Variants in LMF1 observed in about 807,000 individuals in gnomAD.
LMF1 encodes the protein lipase maturation factor 1.
A neutral mutation model predicts 60.6 loss-of-function variants in LMF1; 68 were observed. That is an observed-to-expected ratio of 1.12 (90% confidence interval 0.92 to 1.37). The LOEUF (loss-of-function observed/expected upper bound fraction) is 1.37, where lower values mean the gene tolerates loss of function less well. Ranked by LOEUF, LMF1 falls within the 40% of genes most tolerant of loss-of-function variation. The pLI is 0.00. For missense variants in LMF1, 948 were observed against 767.2 expected, an observed-to-expected ratio of 1.24 and a Z score of -2.78; for synonymous variants, 418 against 324.7, an observed-to-expected ratio of 1.29 and a Z score of -3.09.
rs73497223 is a variant in LMF1, at chr16:878,536, G to A, written c.897+1034C>T. Among the ~76,000 whole-genome samples the A allele has an allele frequency of 0.027, 4,112 of 152,272 alleles. 180 individuals carry two copies. Among genetic ancestry groups the A allele is most frequent in the African/African-American group, 0.094 (3,919 of 41,526 alleles). On this transcript the variant is annotated intron_variant, in intron 6 of 10. Coordinates refer to ENST00000262301, the MANE Select transcript of LMF1 (RefSeq NM_022773.4). The surrounding 1 kb of genome is among the most constrained non-coding windows in gnomAD (Gnocchi z 5.2). ...GGATGACGAGATTGCACCTCTGCAC[G>A]GCAGGCTGTGGTGAAAACCAGAAAC...
At chr16:971,025 G>A (rs943718323), upstream of LMF1, 4 of 1,357,370 alleles carry the variant, frequency 2.9e-6, no homozygotes, top group South Asian at 1.6e-5. Flanking sequence ...ATTCTCGGAG[G>A]CCCCGCCCAT....
intron 6 of LMF1, chr16:871,646 C>G (rs1392085018): frequency 2.8e-6 from 1 of 352,154 alleles, no homozygotes; most frequent in African/African-American, 2.1e-5. Context: ...GACCACCAGA[C>G]CCTGTGCCCT....
chr16:910,137 T>C (rs2071070288), intron 4 of LMF1, among the ~76,000 whole-genome samples: 1 of 152,226 alleles, frequency 6.6e-6, no homozygotes, highest in Non-Finnish European at 1.5e-5. Context: ...CTGGTCAGTG[T>C]GGCAGACGTC....
At chr16:971,129 C>T, upstream of LMF1, 3 of 778,966 alleles carry the variant, frequency 3.9e-6, no homozygotes, top group Non-Finnish European at 5.3e-6. Context: ...CCGGAGGCAC[C>T]GCCCCCTCCA....
intron 5 of LMF1, chr16:885,048 T>C (rs890120936): frequency 1.1e-4 from 16 of 152,258 alleles, no homozygotes; most frequent in African/African-American, 3.9e-4. Flanking sequence ...CTCTGAAAGA[T>C]AACTGGACTG....
At position 854,383 on chromosome 16, in the gene LMF1, A is replaced by C. The variant is rs1028627215; in HGVS notation, c.*149T>G. On this transcript the variant is annotated 3_prime_UTR_variant, in exon 11 of 11. Transcript: ENST00000262301. ...GCCACAGTATGTGACAACAGACCCC[A>C]CCCTGGACCCCCGTGCTGGGGGCTG... 9.3e-6 allele frequency: 8 copies of C among 864,178 alleles called. No individual in the cohort carries two copies. In the African/African-American group the frequency reaches 1.3e-4, roughly 14 times the overall value. 53.5% of individuals were successfully genotyped at this position (864,178 alleles called of 1,614,324 possible). A position where few individuals can be genotyped will look rare whatever the true frequency, so the allele number is the denominator to read the frequency against.
chr16:895,354 T>C (rs914365551), intron 4 of LMF1, among the ~76,000 whole-genome samples: 1 of 152,122 alleles, frequency 6.6e-6, no homozygotes, highest in African/African-American at 2.4e-5. Context: ...GAAACATTAA[T>C]ACCTCCCAGT....
chr16:861,206 A>G (rs1378945741), intron 10 of LMF1, among the ~76,000 whole-genome samples: 2 of 151,940 alleles, frequency 1.3e-5, no homozygotes. Context: ...ATACCTAAGT[A>G]TTTCGCTTTT....
intron 2 of LMF1, among the ~76,000 whole-genome samples, chr16:939,808 G>A (rs2072046901): frequency 6.6e-6 from 1 of 152,226 alleles, no homozygotes; most frequent in Non-Finnish European, 1.5e-5. Flanking sequence ...ACCAGACAGG[G>A]AATAAAACAG....
At chr16:934,145 G>A in intron 3 of LMF1, 99 bp downstream of exon 3, 1 of 1,590,304 alleles carries the variant, frequency 6.3e-7, no homozygotes, top group Admixed American at 1.7e-5. Context: ...GATGGCAGAG[G>A]CTAAGGAAGG....
At position 874,775 on chromosome 16, in the gene LMF1, G is replaced by C. The variant is rs1292421687; in HGVS notation, c.898-3434C>G. Among the ~76,000 whole-genome samples, 1 of 151,884 alleles carries C rather than the reference G, an allele frequency of 6.6e-6. No homozygotes were observed. The highest frequency in any genetic ancestry group is 1.5e-5 in the Non-Finnish European group (1 of 67,910). The stretch of plus-strand genomic sequence containing the variant: ...CACACGGAACCAGGACAGGCTCCAG[G>C]CAGGCGGCGCTCAGAAGTCTCAGGG... On this transcript the variant is annotated intron_variant, in intron 6 of 10. Transcript: ENST00000262301. This position sits in a 1 kb window ranked among gnomAD's most constrained non-coding sequence, Gnocchi z 4.1.
At chr16:964,061 G>C (rs908747999) in intron 1 of LMF1, 10 of 455,374 alleles carry the variant, frequency 2.2e-5, no homozygotes, top group Non-Finnish European at 4.4e-5. Flanking sequence ...GAGCTGCAAC[G>C]AGGAAATACC....
chr16:926,667 C>T (rs994813508), intron 3 of LMF1, among the ~76,000 whole-genome samples: 9 of 152,220 alleles, frequency 5.9e-5, no homozygotes, highest in East Asian at 1.9e-4. Flanking sequence ...AAGCTGCGCA[C>T]GCACATGTGT....
chr16:855,692 C>T (rs576600312), intron 10 of LMF1: 34 of 455,872 alleles, frequency 7.5e-5, no homozygotes, highest in African/African-American at 1.6e-4. Context: ...CCCAGCTGCC[C>T]GGTGGGTGTG....
intron 10 of LMF1, chr16:854,949 C>T (rs533371884): frequency 1.3e-4 from 77 of 574,928 alleles, no homozygotes; most frequent in African/African-American, 3.9e-4. Flanking sequence ...GGGGCAGCTC[C>T]GGGAGGGGAG....
rs2070073618 is a variant in LMF1, at chr16:878,797, T to C, written c.897+773A>G. On this transcript the variant is annotated intron_variant, in intron 6 of 10. Coordinates refer to ENST00000262301, the MANE Select transcript of LMF1 (RefSeq NM_022773.4). The surrounding 1 kb of genome is among the most constrained non-coding windows in gnomAD (Gnocchi z 5.2). ...AAGGGGCGTGGGACACCCAGGTACATCTGTTTTCCAGAGCACGTGGAACGC... is the reference window on the plus strand; with the variant it reads ...AAGGGGCGTGGGACACCCAGGTACACCTGTTTTCCAGAGCACGTGGAACGC... 6.6e-6 allele frequency among the ~76,000 whole-genome samples: 1 copy of C among 151,756 alleles called. No homozygotes were observed. Among genetic ancestry groups the C allele is most frequent in the African/African-American group, 2.4e-5 (1 of 41,162 alleles).
chr16:900,234 T>A (rs572965481), intron 4 of LMF1: 2 of 152,372 alleles, frequency 1.3e-5, no homozygotes, highest in South Asian at 4.1e-4. Flanking sequence ...TGGCTATGGC[T>A]TCCTGGCCTT....
chr16:901,321 C>A (rs1308780311), intron 4 of LMF1: 1 of 152,022 alleles, frequency 6.6e-6, no homozygotes, highest in Admixed American at 6.6e-5. Flanking sequence ...CACGGAAAAC[C>A]CACCCTCTGC....
intron 2 of LMF1, among the ~76,000 whole-genome samples, chr16:935,045 A>G (rs1466570332): frequency 1.3e-5 from 2 of 152,302 alleles, no homozygotes; most frequent in African/African-American, 4.8e-5. Flanking sequence ...AAATGTACGG[A>G]ACAGGCCGGT....
Sources: allele counts gnomAD v4.1 joint callset (sites outside exome capture counted in the v4.1 genomes callset), GRCh38; gene constraint gnomAD v4.1.1; non-coding constraint Gnocchi (gnomAD v3.1); transcripts MANE v1.5; gene names NCBI Gene and HGNC (gene_info 2026-07-23, HGNC 2026-07-21).